Variants in MAGI2 observed in about 807,000 individuals in gnomAD.
The protein encoded by MAGI2 is membrane associated guanylate kinase, WW and PDZ domain containing 2, also known as membrane-associated guanylate kinase, WW and PDZ domain-containing protein 2.
A neutral mutation model predicts 133.3 loss-of-function variants in MAGI2; 35 were observed. The ratio of observed to expected loss-of-function variants is 0.26; its 90% CI spans 0.20 to 0.35. MAGI2 has a LOEUF of 0.35. MAGI2 is among the 10% of genes least tolerant of loss of function. The pLI is 1.00. For missense variants in MAGI2, 1,636 were observed against 1,863.4 expected (o/e 0.88, Z 2.25); for synonymous variants, 729 against 710.6 (o/e 1.03, Z -0.41).
At chr7:78,637,156 A>G (rs1486579346) in intron 2 of MAGI2, among the ~76,000 whole-genome samples, 1 of 152,196 alleles carries the variant, frequency 6.6e-6, no homozygotes, top group Non-Finnish European at 1.5e-5. Flanking sequence ...CTCTATAGCC[A>G]TGTACCGGAT....
chr7:79,090,151 T>C (rs937300301), intron 1 of MAGI2, among the ~76,000 whole-genome samples: 2 of 152,090 alleles, frequency 1.3e-5, no homozygotes, highest in Non-Finnish European at 2.9e-5. Flanking sequence ...ATTTTTCATG[T>C]TCAATCTATT....
At chr7:78,136,095 G>A (rs950601202) in intron 16 of MAGI2, among the ~76,000 whole-genome samples, 3 of 150,820 alleles carry the variant, frequency 2.0e-5, no homozygotes, top group African/African-American at 7.3e-5. Flanking sequence ...TAAAAACAAT[G>A]TACACTTCTT....
At chr7:78,896,649 C>T (rs1186014599) in intron 2 of MAGI2, among the ~76,000 whole-genome samples, 2 of 151,772 alleles carry the variant, frequency 1.3e-5, no homozygotes, top group Non-Finnish European at 2.9e-5. Context: ...CTCACTGCAA[C>T]CTCCACCTCC....
At chr7:79,383,402 T>A (rs1843938722) in intron 1 of MAGI2, among the ~76,000 whole-genome samples, 1 of 151,604 alleles carries the variant, frequency 6.6e-6, no homozygotes, top group Non-Finnish European at 1.5e-5. Flanking sequence ...AAGGGTTCAG[T>A]AATATTAAAA....
intron 2 of MAGI2, among the ~76,000 whole-genome samples, chr7:78,936,804 T>G (rs1800550696): frequency 6.6e-6 from 1 of 152,042 alleles, no homozygotes; most frequent in African/African-American, 2.4e-5. Context: ...CAAGAATAAC[T>G]ATGGTGTTGG....
At chr7:78,605,427 C>T (rs2150893156) in intron 3 of MAGI2, among the ~76,000 whole-genome samples, 1 of 152,256 alleles carries the variant, frequency 6.6e-6, no homozygotes, top group South Asian at 2.1e-4. Flanking sequence ...ATGGCTGTAA[C>T]ACTGATTAAC....
At chr7:78,903,615 A>C (rs1797786277) in intron 2 of MAGI2, among the ~76,000 whole-genome samples, 2 of 152,166 alleles carry the variant, frequency 1.3e-5, no homozygotes, top group Admixed American at 1.3e-4. Flanking sequence ...TTAAAGCCAT[A>C]GCTTTTATTC....
intron 6 of MAGI2, among the ~76,000 whole-genome samples, chr7:78,433,930 T>C (rs1800033267): frequency 6.6e-6 from 1 of 152,142 alleles, no homozygotes; most frequent in African/African-American, 2.4e-5. Context: ...ATTGAATGAA[T>C]GATTGAATGA....
chr7:78,364,994 A>T (rs1793226792), intron 7 of MAGI2, among the ~76,000 whole-genome samples: 1 of 152,252 alleles, frequency 6.6e-6, no homozygotes, highest in African/African-American at 2.4e-5. Flanking sequence ...TGGTCTGTTT[A>T]CACAGACAGC....
At chr7:78,891,288 C>A (rs994068013) in intron 2 of MAGI2, among the ~76,000 whole-genome samples, 4 of 152,178 alleles carry the variant, frequency 2.6e-5, no homozygotes, top group Non-Finnish European at 5.9e-5. Context: ...AAGCCTAATT[C>A]TACCAAAGGT....
In MAGI2 at chr7:78,490,034, C is replaced by T. The variant is rs970765406; in HGVS notation, c.966-194G>A. The T allele has an allele frequency of 1.2e-5, 6 of 498,508 alleles. No individual in the cohort carries two copies. In the South Asian group the frequency reaches 2.0e-4, roughly 17 times the overall value. 30.9% of individuals were successfully genotyped at this position (498,508 alleles called of 1,614,324 possible). On this transcript the variant is annotated intron_variant, in intron 5 of 21. Transcript: ENST00000354212. ...AGCTGTAAATTTGGCAACCTCAGCTCCCTGTCCTCAAAGCAGCTATTTTTA... is the reference window on the plus strand; with the variant it reads ...AGCTGTAAATTTGGCAACCTCAGCTTCCTGTCCTCAAAGCAGCTATTTTTA...
intron 9 of MAGI2, among the ~76,000 whole-genome samples, chr7:78,267,400 G>T (rs1025651035): frequency 1.3e-5 from 2 of 152,174 alleles, no homozygotes; most frequent in Non-Finnish European, 2.9e-5. Context: ...CTTGTTAAAA[G>T]GGAAATAGAC....
At chr7:79,143,677 T>A (rs1382465844) in intron 1 of MAGI2, among the ~76,000 whole-genome samples, 2 of 152,192 alleles carry the variant, frequency 1.3e-5, no homozygotes, top group African/African-American at 4.8e-5. Flanking sequence ...AGAGTTTTGT[T>A]AGATATAGAA....
intron 2 of MAGI2, among the ~76,000 whole-genome samples, chr7:78,961,958 G>A (rs908598273): frequency 3.3e-5 from 5 of 151,744 alleles, no homozygotes; most frequent in Admixed American, 6.6e-5. Context: ...AACTTATACA[G>A]TATGTTACTG....
intron 6 of MAGI2, among the ~76,000 whole-genome samples, chr7:78,448,249 GTT>G (rs908927013): frequency 6.6e-6 from 1 of 151,970 alleles, no homozygotes; most frequent in Admixed American, 6.6e-5. Context: ...GAAATGCAAA[GTT>G]TTTTTGACAA....
At chr7:79,379,860 G>T (rs1363492660) in intron 1 of MAGI2, among the ~76,000 whole-genome samples, 5 of 150,430 alleles carry the variant, frequency 3.3e-5, no homozygotes, top group African/African-American at 4.9e-5. Flanking sequence ...TGTTGATGGG[G>T]TTGTTTGTTT....
Position 78,019,536 on chromosome 7 carries a change from G to A in MAGI2, c.4147C>T (p.Pro1383Ser), listed in dbSNP as rs1808092872. 1 of 980,242 alleles carries A rather than the reference G, an allele frequency of 1.0e-6. No individual in the cohort carries two copies. Among genetic ancestry groups the A allele is most frequent in the Non-Finnish European group, 1.2e-6 (1 of 828,052 alleles). 60.7% of individuals were successfully genotyped at this position (980,242 alleles called of 1,614,324 possible). The change falls in exon 22 of 22, where the codon CCG becomes TCG. Residue 1383 changes from proline to serine, a missense_variant. Around this residue, in one of 5 missense-constraint regions of MAGI2, gnomAD observed 354 missense variants for 298.7 expected, o/e 1.19. Coordinates refer to ENST00000354212, the MANE Select transcript of MAGI2 (RefSeq NM_012301.4). Reference protein sequence around the residue: ...AGSELCRREGPGAAPAFAGPG... With the variant: ...AGSELCRREGSGAAPAFAGPG... The stretch of plus-strand genomic sequence containing the variant: ...CCGGCAAACGCCGGCGCAGCCCCCG[G>A]GCCTTCGCGCCGGCAGAGCTCGGAG...
intron 1 of MAGI2, among the ~76,000 whole-genome samples, chr7:79,112,524 C>T (rs1242473481): frequency 6.6e-6 from 1 of 152,186 alleles, no homozygotes; most frequent in African/African-American, 2.4e-5. Flanking sequence ...GAACATTCCA[C>T]TGCTAGGATA....
intron 16 of MAGI2, among the ~76,000 whole-genome samples, chr7:78,159,287 G>A (rs1824723457): frequency 6.6e-6 from 1 of 152,188 alleles, no homozygotes; most frequent in Non-Finnish European, 1.5e-5. Flanking sequence ...AACCTACAGG[G>A]ATGTTTAAAT....
Sources: allele counts gnomAD v4.1 joint callset (sites outside exome capture counted in the v4.1 genomes callset), GRCh38; gene constraint gnomAD v4.1.1; regional missense constraint gnomAD v4.1.1; transcripts MANE v1.5; gene names NCBI Gene and HGNC (gene_info 2026-07-23, HGNC 2026-07-21).